Variants in TMEM232 observed in about 807,000 individuals in gnomAD.
TMEM232 encodes transmembrane protein 232.
A neutral mutation model predicts 78.8 loss-of-function variants in TMEM232; 80 were observed. That is an observed-to-expected ratio of 1.01 (90% CI 0.85 to 1.22). The LOEUF is 1.22. TMEM232 is among the 50% of genes most tolerant of loss of function. The pLI is 0.00. For missense variants in TMEM232, 881 were observed against 742.2 expected, an observed-to-expected ratio of 1.19 and a Z score of -2.17; for synonymous variants, 297 against 254.3, an observed-to-expected ratio of 1.17 and a Z score of -1.60.
At chr5:110,413,846 T>C (rs1299082009) in intron 2 of TMEM232, among the ~76,000 whole-genome samples, 2 of 152,194 alleles carry the variant, frequency 1.3e-5, no homozygotes, top group Non-Finnish European at 2.9e-5. Flanking sequence ...AGGGAATTAT[T>C]ATTCTAAAGG....
At chr5:110,450,087 CCTCT>C (rs563034472) in intron 12 of TMEM232, among the ~76,000 whole-genome samples, 26 of 152,080 alleles carry the variant, frequency 1.7e-4, no homozygotes, top group Non-Finnish European at 3.4e-4. Flanking sequence ...TTCCCTCTTT[CCTCT>C]CTGTCTCCTG....
At chr5:110,634,903 G>T (rs1554064508) in intron 5 of TMEM232, among the ~76,000 whole-genome samples, 1 of 151,744 alleles carries the variant, frequency 6.6e-6, no homozygotes, top group Non-Finnish European at 1.5e-5. Flanking sequence ...TGAACAAAAT[G>T]AAAAAGTTTT....
intron 11 of TMEM232, among the ~76,000 whole-genome samples, chr5:110,541,046 G>C (rs1773041785): frequency 6.6e-6 from 1 of 152,114 alleles, no homozygotes. Context: ...GCTAATACAG[G>C]AGCAAGGGGA....
At chr5:110,454,912 TAAAAA>T (rs61425796) in intron 12 of TMEM232, among the ~76,000 whole-genome samples, 1 of 144,994 alleles carries the variant, frequency 6.9e-6, no homozygotes, top group Non-Finnish European at 1.5e-5. Flanking sequence ...TCGTAAAGAT[TAAAAA>T]AAAAAAAGAT....
At chr5:110,621,144 T>G (rs1408827434) in intron 7 of TMEM232, among the ~76,000 whole-genome samples, 9 of 152,038 alleles carry the variant, frequency 5.9e-5, no homozygotes, top group Non-Finnish European at 1.3e-4. Flanking sequence ...ATTACAGGCA[T>G]GAGCCACCAT....
chr5:110,545,062 C>T (rs1773607127), intron 11 of TMEM232, among the ~76,000 whole-genome samples: 2 of 152,036 alleles, frequency 1.3e-5, no homozygotes, highest in Admixed American at 1.3e-4. Context: ...TTTTGCTTCA[C>T]AAGGTTATGG....
chr5:110,438,519 G>T (rs573065461), intron 12 of TMEM232, among the ~76,000 whole-genome samples: 1 of 151,720 alleles, frequency 6.6e-6, no homozygotes, highest in African/African-American at 2.4e-5. Context: ...CTAATGTCAC[G>T]CTACTTTCTA....
At chr5:110,443,484 T>C (rs993425807) in intron 12 of TMEM232, among the ~76,000 whole-genome samples, 7 of 152,160 alleles carry the variant, frequency 4.6e-5, no homozygotes, top group South Asian at 2.1e-4. Flanking sequence ...CAGTGCAGTA[T>C]TGGGCTCCCC....
chr5:110,703,392 C>T (rs1795623922), intron 1 of TMEM232, among the ~76,000 whole-genome samples: 1 of 152,002 alleles, frequency 6.6e-6, no homozygotes, highest in African/African-American at 2.4e-5. Flanking sequence ...AAATGACTGC[C>T]TGGGGAAACC....
intron 12 of TMEM232, among the ~76,000 whole-genome samples, chr5:110,476,353 C>G (rs913237488): frequency 6.6e-6 from 1 of 151,800 alleles, no homozygotes; most frequent in African/African-American, 2.4e-5. Flanking sequence ...AGAAAAGGAC[C>G]TGTGAGGGGT....
At chr5:110,714,863 C>G (rs186151130) in intron 1 of TMEM232, among the ~76,000 whole-genome samples, 1 of 152,256 alleles carries the variant, frequency 6.6e-6, no homozygotes, top group Non-Finnish European at 1.5e-5. Flanking sequence ...GACCTATAAA[C>G]TAACATTATC....
At chr5:110,401,976 G>A (rs1755618280) in intron 2 of TMEM232, among the ~76,000 whole-genome samples, 1 of 152,004 alleles carries the variant, frequency 6.6e-6, no homozygotes, top group African/African-American at 2.4e-5. Context: ...AGTTTCAGTT[G>A]TTACCTGTCA....
intron 3 of TMEM232, among the ~76,000 whole-genome samples, chr5:110,392,011 C>G (rs2112557340): frequency 6.6e-6 from 1 of 152,252 alleles, no homozygotes; most frequent in South Asian, 2.1e-4. Flanking sequence ...GTTACCCTAA[C>G]TAGAGAAATG....
At chr5:110,425,620 A>G (rs1049375276) in intron 12 of TMEM232, among the ~76,000 whole-genome samples, 3 of 151,982 alleles carry the variant, frequency 2.0e-5, no homozygotes, top group Non-Finnish European at 2.9e-5. Flanking sequence ...TGTACTCTAC[A>G]TTCTTGACAC....
chr5:110,696,260 T>G (rs998998538), intron 1 of TMEM232, among the ~76,000 whole-genome samples: 1 of 152,178 alleles, frequency 6.6e-6, no homozygotes, highest in East Asian at 1.9e-4. Flanking sequence ...ACAAGCTTCA[T>G]GCTAAAAACT....
intron 10 of TMEM232, among the ~76,000 whole-genome samples, chr5:110,578,582 T>C (rs1224834449): frequency 6.6e-6 from 1 of 151,916 alleles, no homozygotes; most frequent in Non-Finnish European, 1.5e-5. Flanking sequence ...TGAAATCGTA[T>C]TGGTGTTATT....
chr5:110,736,933 T>G (rs1431526781), intron 1 of TMEM232, among the ~76,000 whole-genome samples: 1 of 150,270 alleles, frequency 6.7e-6, no homozygotes, highest in Non-Finnish European at 1.5e-5. Context: ...TATTCACAAA[T>G]GGCTCACTCC....
chr5:110,526,094 A>G (rs1158449039), intron 12 of TMEM232, among the ~76,000 whole-genome samples: 17 of 151,002 alleles, frequency 1.1e-4, no homozygotes. Context: ...AAATCCTTAA[A>G]AATAGTAAAA....
chr5:110,598,867 G>T (rs191500655), intron 10 of TMEM232, among the ~76,000 whole-genome samples: 1 of 111,934 alleles, frequency 8.9e-6, no homozygotes, highest in Non-Finnish European at 1.8e-5. Flanking sequence ...GTTGTGGGGT[G>T]GGGGGAGGGG....
Sources: gnomAD v4.1 joint callset for allele counts (sites outside exome capture counted in the v4.1 genomes callset) on GRCh38, gnomAD v4.1.1 for gene constraint, MANE v1.5 for transcripts, NCBI Gene and HGNC (gene_info 2026-07-23, HGNC 2026-07-21) for gene names.